Variants in UBAC2 observed in about 807,000 individuals in gnomAD.
The protein encoded by UBAC2 is ubiquitin-associated domain-containing protein 2.
Under a neutral mutation model 44.0 loss-of-function variants are expected in UBAC2, and 26 were observed. The observed-to-expected ratio is 0.59, with a 90% confidence interval of 0.43 to 0.82. The LOEUF (loss-of-function observed/expected upper bound fraction) is 0.82. Among genes scored for constraint, UBAC2 ranks in the 40% least tolerant of loss-of-function variants. The pLI is 0.00. For synonymous variants in UBAC2, 155 were observed against 154.3 expected (o/e 1.00, Z -0.04); for missense variants, 329 against 419.4 (o/e 0.78, Z 1.88).
intron 1 of UBAC2, among the ~76,000 whole-genome samples, chr13:99,225,862 G>A (rs1048237052): frequency 2.0e-5 from 3 of 152,110 alleles, no homozygotes; most frequent in Non-Finnish European, 4.4e-5. Context: ...AATTGATGAC[G>A]TCTTAGAATT....
intron 1 of UBAC2, among the ~76,000 whole-genome samples, chr13:99,233,223 C>T (rs1250490162): frequency 6.6e-6 from 1 of 151,920 alleles, no homozygotes; most frequent in African/African-American, 2.4e-5. Context: ...AGTGATTCTC[C>T]TGCCTCAGCC....
chr13:99,285,101 T>C (rs989947894), intron 4 of UBAC2, among the ~76,000 whole-genome samples: 5 of 152,208 alleles, frequency 3.3e-5, no homozygotes, highest in African/African-American at 9.6e-5. Flanking sequence ...GCATTTCTTA[T>C]ATAACCATAA....
intron 8 of UBAC2, among the ~76,000 whole-genome samples, chr13:99,378,292 C>T (rs1052545719): frequency 3.3e-5 from 5 of 152,112 alleles, no homozygotes; most frequent in Non-Finnish European, 5.9e-5. Flanking sequence ...GTTGGGAGGC[C>T]GAGGTGGGCA....
chr13:99,386,480 T>G lies in UBAC2; in HGVS notation c.*1145T>G, dbSNP rs898618676. The stretch of plus-strand genomic sequence containing the variant: ...GTACAAATAAAGCCTTGTTCCAGGC[T>G]ATACATATTTACCAGTCAACCAAAT... On this transcript the variant is annotated 3_prime_UTR_variant, in exon 9 of 9. Transcript: ENST00000403766. 13 of 152,262 alleles carry G rather than the reference T, an allele frequency of 8.5e-5. No individual in the cohort carries two copies. The highest frequency in any genetic ancestry group is 3.1e-4 in the African/African-American group (13 of 41,472). 9.4% of individuals were successfully genotyped at this position (152,262 alleles called of 1,614,324 possible).
intron 8 of UBAC2, among the ~76,000 whole-genome samples, chr13:99,376,683 C>T (rs2045484029): frequency 6.6e-6 from 1 of 152,146 alleles, no homozygotes; most frequent in South Asian, 2.1e-4. Flanking sequence ...ATGCTGGAGG[C>T]GAACCCAACT....
At chr13:99,244,147 GTGATAA>G (rs2043352675) in intron 3 of UBAC2, among the ~76,000 whole-genome samples, 196 bp downstream of exon 3, 1 of 152,062 alleles carries the variant, frequency 6.6e-6, no homozygotes, top group African/African-American at 2.4e-5. Flanking sequence ...AATAATAATA[GTGATAA>G]TGATAATATG....
At chr13:99,235,361 G>A (rs1276527671) in intron 1 of UBAC2, among the ~76,000 whole-genome samples, 2 of 152,068 alleles carry the variant, frequency 1.3e-5, no homozygotes, top group Non-Finnish European at 2.9e-5. Context: ...ACTACCCAAA[G>A]CAATTTACAG....
At position 99,324,544 on chromosome 13, in the gene UBAC2, G is replaced by C. The variant is rs138264693; in HGVS notation, c.561+6475G>C. 7.0e-3 allele frequency among the ~76,000 whole-genome samples: 1,068 copies of C among 152,296 alleles called. 8 individuals are homozygous for C. The highest frequency in any genetic ancestry group is 9.4e-3 in the Non-Finnish European group (642 of 68,018). On this transcript the variant is annotated intron_variant, in intron 6 of 8. Coordinates refer to ENST00000403766, the MANE Select transcript of UBAC2 (RefSeq NM_001144072.2). ...ATAAGCTACTGAAATTTGATAATTTGTTACCACAGTATAACTTAGAAAAAG... is the reference window on the plus strand; with the variant it reads ...ATAAGCTACTGAAATTTGATAATTTCTTACCACAGTATAACTTAGAAAAAG...
At chr13:99,374,007 A>G (rs2045445646) in intron 8 of UBAC2, among the ~76,000 whole-genome samples, 1 of 152,222 alleles carries the variant, frequency 6.6e-6, no homozygotes, top group Admixed American at 6.5e-5. Context: ...TATTAATAAT[A>G]CATTTATAAT....
intron 4 of UBAC2, among the ~76,000 whole-genome samples, chr13:99,299,542 T>C: frequency 6.6e-6 from 1 of 152,202 alleles, no homozygotes; most frequent in Non-Finnish European, 1.5e-5. Context: ...TCATATATTC[T>C]AGATTTTTAA....
At chr13:99,310,542 TATGG>T (rs2044397971) in intron 4 of UBAC2, among the ~76,000 whole-genome samples, 1 of 152,194 alleles carries the variant, frequency 6.6e-6, no homozygotes, top group Non-Finnish European at 1.5e-5. Context: ...CTAATAACAT[TATGG>T]TATTTTGTGA....
chr13:99,206,821 C>G (rs886679676), intron 1 of UBAC2, among the ~76,000 whole-genome samples: 1 of 152,222 alleles, frequency 6.6e-6, no homozygotes, highest in Non-Finnish European at 1.5e-5. Context: ...CTCTCCCCAT[C>G]TCTTCACCCA....
chr13:99,285,687 C>T (rs4772185), intron 4 of UBAC2, among the ~76,000 whole-genome samples: 14,855 of 152,214 alleles, frequency 0.098, 878 homozygotes, highest in South Asian at 0.28. Flanking sequence ...CCACCATGCC[C>T]GGCCAGCTGG....
At chr13:99,252,045 G>A (rs919936330) in intron 4 of UBAC2, among the ~76,000 whole-genome samples, 4 of 152,184 alleles carry the variant, frequency 2.6e-5, no homozygotes, top group East Asian at 3.8e-4. Flanking sequence ...TTATAGGCAC[G>A]TGCTACCATG....
intron 4 of UBAC2, among the ~76,000 whole-genome samples, chr13:99,306,762 T>C (rs2044342809): frequency 6.6e-6 from 1 of 152,112 alleles, no homozygotes; most frequent in African/African-American, 2.4e-5. Context: ...CTTATCTAAT[T>C]AGTAGTATTT....
intron 1 of UBAC2, among the ~76,000 whole-genome samples, chr13:99,222,641 A>G (rs1383209219): frequency 2.6e-5 from 4 of 152,318 alleles, no homozygotes; most frequent in Admixed American, 6.5e-5. Context: ...GTTTCATAGT[A>G]TACTTTAACT....
intron 4 of UBAC2, among the ~76,000 whole-genome samples, chr13:99,277,354 C>T (rs930692908): frequency 3.3e-5 from 5 of 151,906 alleles, no homozygotes; most frequent in East Asian, 1.9e-4. Flanking sequence ...GGAGAAACCC[C>T]GTCTCTACTA....
Position 99,248,443 on chromosome 13 carries a change from G to C in UBAC2, c.389+3819G>C, listed in dbSNP as rs542130356. On this transcript the variant is annotated intron_variant, in intron 4 of 8. Transcript: ENST00000403766. ...TTTCACTCTTGCCGCCCAGGCTGCA[G>C]TGCAATGGCGTGATTTCTGCTCACT... is the stretch of plus-strand genomic sequence containing the variant. Among the ~76,000 whole-genome samples the C allele has an allele frequency of 2.1e-4, 31 of 148,974 alleles. No homozygotes were observed. The South Asian group carries it at 6.3e-3, about 30-fold the overall frequency.
chr13:99,202,578 G>A (rs1016839665), intron 1 of UBAC2, among the ~76,000 whole-genome samples: 8 of 152,160 alleles, frequency 5.3e-5, no homozygotes, highest in Admixed American at 5.2e-4. Flanking sequence ...GATTATATTG[G>A]CCAAGTGTAT....
Sources: allele counts gnomAD v4.1 joint callset (sites outside exome capture counted in the v4.1 genomes callset), GRCh38; gene constraint gnomAD v4.1.1; transcripts MANE v1.5; gene names NCBI Gene and HGNC (gene_info 2026-07-23, HGNC 2026-07-21).